The following ZNF775 variants were observed in gnomAD, a reference collection of about 807,000 sequenced individuals.
The protein encoded by ZNF775 is zinc finger protein 775.
ZNF775 carries 1 observed loss-of-function variant against 2.4 expected under a neutral mutation model. The observed-to-expected ratio is 0.41, with a 90% confidence interval of 0.15 to 1.94. The LOEUF (loss-of-function observed/expected upper bound fraction) is 1.94, where lower values mean the gene tolerates loss of function less well. Ranked by LOEUF, ZNF775 falls within the 30% of genes most tolerant of loss-of-function variation. The probability of loss-of-function intolerance (pLI) is 0.30; values close to 1 mark genes in which losing one functional copy is unlikely to be tolerated. For synonymous variants in ZNF775, 381 were observed against 373.3 expected (o/e 1.02, Z -0.24); for missense variants, 823 against 826.6 (o/e 1.00, Z 0.05).
At chr7:150,389,438 C>G (rs1800517634) in intron 2 of ZNF775, among the ~76,000 whole-genome samples, 1 of 152,264 alleles carries the variant, frequency 6.6e-6, no homozygotes, top group Non-Finnish European at 1.5e-5. Context: ...TGTGTGGACA[C>G]AGACCCTCAG....
chr7:150,385,466 C>A (rs1256442730), intron 1 of ZNF775, among the ~76,000 whole-genome samples: 1 of 149,058 alleles, frequency 6.7e-6, no homozygotes, highest in Non-Finnish European at 1.5e-5. Flanking sequence ...GAGCTCTGAG[C>A]CTGCAATACC....
Position 150,384,141 on chromosome 7 carries a change from C to T in ZNF775, c.-49-4281C>T, listed in dbSNP as rs1485423369. 2.6e-5 allele frequency among the ~76,000 whole-genome samples: 4 copies of T among 152,194 alleles called. No individual in the cohort carries two copies. The highest frequency in any genetic ancestry group is 9.6e-5 in the African/African-American group (4 of 41,454). On this transcript the variant is annotated intron_variant, in intron 1 of 2. Transcript: ENST00000329630. The surrounding 1 kb of genome is among the most constrained non-coding windows in gnomAD (Gnocchi z 4.1). Reference sequence around the variant, plus strand: ...CTGAACTGCAGCCTGACCCGGTGCGCGGAGGGCCGGGCCAGGGCCAGGCGT... The same window carrying T: ...CTGAACTGCAGCCTGACCCGGTGCGTGGAGGGCCGGGCCAGGGCCAGGCGT...
chr7:150,393,385 G>T (rs1800593769), intron 2 of ZNF775, among the ~76,000 whole-genome samples: 1 of 152,182 alleles, frequency 6.6e-6, no homozygotes, highest in Non-Finnish European at 1.5e-5. Context: ...GGACACTGTG[G>T]TTCCTGCCCA....
Position 150,398,550 on chromosome 7 carries a change from G to A in ZNF775, c.*455G>A, listed in dbSNP as rs984240871. The A allele has an allele frequency of 1.9e-4, 33 of 171,666 alleles. No individual in the cohort carries two copies. The highest frequency in any genetic ancestry group is 1.9e-4 in the Admixed American group (3 of 15,900). 10.6% of individuals were successfully genotyped at this position (171,666 alleles called of 1,614,324 possible). A position where few individuals can be genotyped will look rare whatever the true frequency, so the allele number is the denominator to read the frequency against. ...CCAAGGATGGAAGCCAGAGGCTGTG[G>A]CGAGGGAGAGCCAAGCATATTCCCA... On this transcript the variant is annotated 3_prime_UTR_variant, in exon 3 of 3. Transcript: ENST00000329630.
intron 2 of ZNF775, among the ~76,000 whole-genome samples, chr7:150,396,020 A>C (rs1563260051): frequency 6.6e-6 from 1 of 152,212 alleles, no homozygotes; most frequent in African/African-American, 2.4e-5. Context: ...TGAGGGACTG[A>C]GCATGCCTTT....
At chr7:150,396,224 C>G (rs1040009894) in intron 2 of ZNF775, among the ~76,000 whole-genome samples, 2 of 152,098 alleles carry the variant, frequency 1.3e-5, no homozygotes, top group African/African-American at 4.8e-5. Flanking sequence ...GGCCTGGGCA[C>G]CCGAGTGATT....
chr7:150,384,084 A>G lies in ZNF775; in HGVS notation c.-49-4338A>G, dbSNP rs1223765499. On this transcript the variant is annotated intron_variant, in intron 1 of 2. Coordinates refer to ENST00000329630, the MANE Select transcript of ZNF775 (RefSeq NM_173680.4). This position sits in a 1 kb window ranked among gnomAD's most constrained non-coding sequence, Gnocchi z 4.1. ...TTCAGTTGTCATGGCAGCTGGGCCC[A>G]GGCTGAGGCCTGCCCACTGTGAGGC... is the stretch of plus-strand genomic sequence containing the variant. 2.0e-5 allele frequency among the ~76,000 whole-genome samples: 3 copies of G among 152,324 alleles called. No homozygotes were observed. The East Asian group carries it at 5.8e-4, about 29-fold the overall frequency.
In ZNF775 at chr7:150,384,987, TC is replaced by T. The variant is rs1318781670; in HGVS notation, c.-49-3431del. Among the ~76,000 whole-genome samples the T allele has an allele frequency of 6.6e-6, 1 of 152,194 alleles. No individual in the cohort carries two copies. Among genetic ancestry groups the T allele is most frequent in the Admixed American group, 6.5e-5 (1 of 15,286 alleles). ...GGGCTCTGCCCTCCTCGGTCTGAGT[TC>T]CCCTTACCAAGGTGGCTTCTCTGTC... On this transcript the variant is annotated intron_variant, in intron 1 of 2. Transcript: ENST00000329630. This position sits in a 1 kb window ranked among gnomAD's most constrained non-coding sequence, Gnocchi z 4.1.
In ZNF775 at chr7:150,397,693, G is replaced by T. The variant is rs1400315835; in HGVS notation, c.1212G>T (p.Pro404=). 1 of 1,362,742 alleles carries T rather than the reference G, an allele frequency of 7.3e-7. No homozygotes were observed. The highest frequency in any genetic ancestry group is 9.4e-7 in the Non-Finnish European group (1 of 1,065,926). The allele number at this position is 1,362,742 out of a possible 1,614,324, so 84.4% of individuals were successfully genotyped here. Residue 404 remains proline, a synonymous_variant, in exon 3 of 3, where the codon CCG becomes CCT. Transcript: ENST00000329630. ...AVPAGEPGDQ[P]QAEAIPGLAA... ...CGGCCGGGGAACCGGGCGACCAGCC[G>T]CAGGCCGAGGCCATCCCGGGCTTGG...
chr7:150,393,902 T>TAA (rs1800604405), intron 2 of ZNF775, among the ~76,000 whole-genome samples: 1 of 152,218 alleles, frequency 6.6e-6, no homozygotes, highest in African/African-American at 2.4e-5. Context: ...ACTCCTAACC[T>TAA]CAGGTGTTCC....
Position 150,397,156 on chromosome 7 carries a change from C to T in ZNF775, c.675C>T (p.His225=), listed in dbSNP as rs1488162925. 20 of 1,445,620 alleles carry T rather than the reference C, an allele frequency of 1.4e-5. No individual in the cohort carries two copies. Among genetic ancestry groups the T allele is most frequent in the South Asian group, 2.7e-5 (2 of 72,776 alleles). The allele number at this position is 1,445,620 out of a possible 1,614,324, so 89.5% of individuals were successfully genotyped here. Residue 225 remains histidine (H), a synonymous_variant, in exon 3 of 3, where the codon CAC becomes CAT. Coordinates refer to ENST00000329630, the MANE Select transcript of ZNF775 (RefSeq NM_173680.4). ...GCCAGGGCTCCCGCGCCGGCCTGCA[C>T]GAGCTGATTCAGGACGCGGCGGCGC... ...RDRQGSRAGL[H]ELIQDAAARR... is the part of the protein sequence containing the mutation.
Position 150,397,497 on chromosome 7 carries a change from G to C in ZNF775, c.1016G>C (p.Cys339Ser), listed in dbSNP as rs1488707896. ...CACACAGGCGAGCGCCCGCACCCCTGCCCGCACTGTGGCCGCGGCTTCCGC... is the reference window on the plus strand; with the variant it reads ...CACACAGGCGAGCGCCCGCACCCCTCCCCGCACTGTGGCCGCGGCTTCCGC... ...RNHTGERPHP[C>S]PHCGRGFRQK... The change falls in exon 3 of 3, where the codon TGC (cysteine) becomes TCC (serine). Residue 339 changes from cysteine to serine, a missense_variant. Cys to Ser is a moderately radical substitution (Grantham distance 112). Coordinates refer to ENST00000329630, the MANE Select transcript of ZNF775 (RefSeq NM_173680.4). 1 of 1,581,774 alleles carries C rather than the reference G, an allele frequency of 6.3e-7. No individual in the cohort carries two copies. Among genetic ancestry groups the C allele is most frequent in the African/African-American group, 1.3e-5 (1 of 74,094 alleles).
At position 150,384,558 on chromosome 7, in the gene ZNF775, T is replaced by C. The variant is rs1166860998; in HGVS notation, c.-49-3864T>C. On this transcript the variant is annotated intron_variant, in intron 1 of 2. Coordinates refer to ENST00000329630, the MANE Select transcript of ZNF775 (RefSeq NM_173680.4). This position sits in a 1 kb window ranked among gnomAD's most constrained non-coding sequence, Gnocchi z 4.1. ...TGGATTTTGTCTGTAGGACACCTGC[T>C]GTGCCATTTCCCAGACATAGCCCAC... 6.6e-6 allele frequency among the ~76,000 whole-genome samples: 1 copy of C among 152,220 alleles called. No individual in the cohort carries two copies. Among genetic ancestry groups the C allele is most frequent in the African/African-American group, 2.4e-5 (1 of 41,452 alleles).
At chr7:150,389,011 C>T (rs540029785) in intron 2 of ZNF775, among the ~76,000 whole-genome samples, 11 of 152,328 alleles carry the variant, frequency 7.2e-5, no homozygotes, top group Admixed American at 3.9e-4. Context: ...AAAGTTTGCC[C>T]GCACAGTCAT....
At chr7:150,380,866 C>T (rs1415436761) in intron 1 of ZNF775, among the ~76,000 whole-genome samples, 2 of 152,214 alleles carry the variant, frequency 1.3e-5, no homozygotes, top group East Asian at 3.8e-4. Flanking sequence ...TCAGGACCAG[C>T]TAGGTGCCTG....
Position 150,397,515 on chromosome 7 carries a change from G to T in ZNF775, c.1034G>T (p.Gly345Val). Residue 345 changes from glycine (G) to valine (V), a missense_variant, in exon 3 of 3, where the codon GGC becomes GTC. Coordinates refer to ENST00000329630, the MANE Select transcript of ZNF775 (RefSeq NM_173680.4). The part of the protein sequence containing the change: ...RPHPCPHCGR[G>V]FRQKQHLLKH... ...CACCCCTGCCCGCACTGTGGCCGCG[G>T]CTTCCGCCAGAAGCAGCACCTGCTC... 6.4e-7 allele frequency: 1 copy of T among 1,566,160 alleles called. No individual in the cohort carries two copies. Among genetic ancestry groups the T allele is most frequent in the Non-Finnish European group, 8.6e-7 (1 of 1,163,348 alleles).
Position 150,397,173 on chromosome 7 carries a change from C to A in ZNF775, c.692C>A (p.Ala231Glu). ...GGCCTGCACGAGCTGATTCAGGACG[C>A]GGCGGCGCGCCGGGCCTGTCGCCTG... ...RAGLHELIQD[A>E]AARRACRLQP... The change falls in exon 3 of 3, where the codon GCG (alanine) becomes GAG (glutamate). Residue 231 changes from alanine to glutamate, a missense_variant. Ala to Glu is a moderately radical substitution (Grantham distance 107). Coordinates refer to ENST00000329630, the MANE Select transcript of ZNF775 (RefSeq NM_173680.4). The A allele has an allele frequency of 1.5e-6, 2 of 1,351,890 alleles. No homozygotes were observed. The highest frequency in any genetic ancestry group is 1.9e-6 in the Non-Finnish European group (2 of 1,058,658). 83.7% of individuals were successfully genotyped at this position (1,351,890 alleles called of 1,614,324 possible). A position where few individuals can be genotyped will look rare whatever the true frequency, so the allele number is the denominator to read the frequency against.
At position 150,396,560 on chromosome 7, in the gene ZNF775, C is replaced by T. The variant is rs200057340; in HGVS notation, c.79C>T (p.Leu27=). The T allele has an allele frequency of 6.2e-7, 1 of 1,604,902 alleles. No individual in the cohort carries two copies. The highest frequency in any genetic ancestry group is 1.1e-5 in the South Asian group (1 of 89,376). The change falls in exon 3 of 3, where the codon CTG becomes TTG. Residue 27 remains leucine (L), a synonymous_variant. Transcript: ENST00000329630. ...KVKQEKPERL[L]QTLAPQAMLV... The stretch of plus-strand genomic sequence containing the variant: ...CAAGCAGGAGAAGCCGGAGCGGCTG[C>T]TGCAGACGCTGGCGCCGCAGGCCAT...
At position 150,398,288 on chromosome 7, in the gene ZNF775, T is replaced by A; in HGVS notation, c.*193T>A. On this transcript the variant is annotated 3_prime_UTR_variant, in exon 3 of 3. Transcript: ENST00000329630. ...TGCTGGGAAAGGTCCCAGCGTGGGTTGAGGGAGGAGGGAAGATCCGAGTTC... is the reference window on the plus strand; with the variant it reads ...TGCTGGGAAAGGTCCCAGCGTGGGTAGAGGGAGGAGGGAAGATCCGAGTTC... 1 of 963,056 alleles carries A rather than the reference T, an allele frequency of 1.0e-6. No individual in the cohort carries two copies. The highest frequency in any genetic ancestry group is 1.5e-6 in the Non-Finnish European group (1 of 680,368). 59.7% of individuals were successfully genotyped at this position (963,056 alleles called of 1,614,324 possible). A position where few individuals can be genotyped will look rare whatever the true frequency, so the allele number is the denominator to read the frequency against.
Sources: allele counts gnomAD v4.1 joint callset (sites outside exome capture counted in the v4.1 genomes callset), GRCh38; gene constraint gnomAD v4.1.1; non-coding constraint Gnocchi (gnomAD v3.1); transcripts MANE v1.5; gene names NCBI Gene and HGNC (gene_info 2026-07-23, HGNC 2026-07-21).